Variants in GRAMD1B observed in about 807,000 individuals in gnomAD.
GRAMD1B encodes GRAM domain containing 1B.
In GRAMD1B, 37 loss-of-function variants were observed where a neutral mutation model predicts 99.7. The ratio of observed to expected loss-of-function variants is 0.37; its 90% CI spans 0.29 to 0.49. The LOEUF (loss-of-function observed/expected upper bound fraction) is 0.49, where lower values mean the gene tolerates loss of function less well. Ranked by LOEUF, GRAMD1B falls within the 20% of genes least tolerant of loss-of-function variation. GRAMD1B has a pLI of 0.98. For missense variants in GRAMD1B, 888 were observed against 1,009.2 expected, an observed-to-expected ratio of 0.88 and a Z score of 1.63; for synonymous variants, 427 against 387.6, an observed-to-expected ratio of 1.10 and a Z score of -1.19.
At chr11:123,377,264 T>TA (rs1946719584) in intron 1 of GRAMD1B, among the ~76,000 whole-genome samples, 3 of 152,180 alleles carry the variant, frequency 2.0e-5, no homozygotes, top group African/African-American at 4.8e-5. Flanking sequence ...GTAGCTGGCA[T>TA]AAAAATCCAA....
At chr11:123,585,170 C>T (rs1565416423) in intron 4 of GRAMD1B, among the ~76,000 whole-genome samples, 1 of 152,326 alleles carries the variant, frequency 6.6e-6, no homozygotes, top group Admixed American at 6.5e-5. Flanking sequence ...TTTGCCCCCT[C>T]CCCGGACACA....
intron 7 of GRAMD1B, among the ~76,000 whole-genome samples, 191 bp downstream of exon 7, chr11:123,596,228 A>G (rs546334296): frequency 6.6e-6 from 1 of 152,208 alleles, no homozygotes; most frequent in Non-Finnish European, 1.5e-5. Context: ...GGGAGGATAG[A>G]GTGGCCAAAC....
At chr11:123,592,902 T>C (rs755767551) in intron 4 of GRAMD1B, among the ~76,000 whole-genome samples, 1 of 152,152 alleles carries the variant, frequency 6.6e-6, no homozygotes, top group Non-Finnish European at 1.5e-5. Flanking sequence ...ATTTTCTTTT[T>C]AGTTTCTTTT....
intron 1 of GRAMD1B, among the ~76,000 whole-genome samples, chr11:123,468,951 C>A (rs1331766276): frequency 6.6e-6 from 1 of 151,888 alleles, no homozygotes; most frequent in Non-Finnish European, 1.5e-5. Flanking sequence ...TTATTTAATT[C>A]TCCCAAAACC....
At chr11:123,413,851 G>A (rs78910237) in intron 1 of GRAMD1B, among the ~76,000 whole-genome samples, 2,206 of 152,220 alleles carry the variant, frequency 0.014, 24 homozygotes, top group Middle Eastern at 0.031. Context: ...ATGACCTTGG[G>A]TGGCTTAGTA....
chr11:123,495,748 G>A (rs1171618245), intron 2 of GRAMD1B, among the ~76,000 whole-genome samples: 2 of 148,818 alleles, frequency 1.3e-5, no homozygotes, highest in Non-Finnish European at 3.0e-5. Context: ...TTGATTTGAG[G>A]TCACTATGAG....
rs564509854 is a variant in GRAMD1B at position 123,594,892 on chromosome 11, G to C, written c.873+54G>C. 235 of 889,150 alleles carry C rather than the reference G, an allele frequency of 2.6e-4. 2 individuals carry two copies. Among genetic ancestry groups the C allele is most frequent in the South Asian group, 2.2e-3 (171 of 76,398 alleles). The allele number at this position is 889,150 out of a possible 1,614,324, so 55.1% of individuals were successfully genotyped here. A position where few individuals can be genotyped will look rare whatever the true frequency, so the allele number is the denominator to read the frequency against. On this transcript the variant is annotated intron_variant, in intron 6 of 19. Coordinates refer to ENST00000635736, the MANE Select transcript of GRAMD1B (RefSeq NM_001387025.1). The stretch of plus-strand genomic sequence containing the variant: ...TGTCTCCTTGGCTATGGCTGAGCAA[G>C]CTGCCCTCGCTTTCTTCCTTTTGCT...
intron 2 of GRAMD1B, among the ~76,000 whole-genome samples, chr11:123,514,859 C>T (rs1054710021): frequency 6.6e-6 from 1 of 152,174 alleles, no homozygotes; most frequent in Non-Finnish European, 1.5e-5. Context: ...ATCTATCTCT[C>T]CCCACTAGAC....
intron 2 of GRAMD1B, among the ~76,000 whole-genome samples, chr11:123,548,323 T>TACACACACACACACACACACAC (rs1288714416): frequency 7.0e-5 from 7 of 100,516 alleles, no homozygotes; most frequent in Non-Finnish European, 1.1e-4. Context: ...TATATATATA[T>TACACACACACACACACACACAC]ATACACACAC....
In GRAMD1B at chr11:123,597,858, T is replaced by C. The variant is rs574522251; in HGVS notation, c.969+1821T>C. Reference sequence around the variant, plus strand: ...ATGAAACTAAGTAGCAAAAGGTCTTTAAGAGGATTTGGTTGGGAGAAATAG... The same window carrying C: ...ATGAAACTAAGTAGCAAAAGGTCTTCAAGAGGATTTGGTTGGGAGAAATAG... On this transcript the variant is annotated intron_variant, in intron 7 of 19. Transcript: ENST00000635736. 32 of 747,190 alleles carry C rather than the reference T, an allele frequency of 4.3e-5. No individual in the cohort carries two copies. The East Asian group carries it at 7.9e-4, about 19-fold the overall frequency. 46.3% of individuals were successfully genotyped at this position (747,190 alleles called of 1,614,324 possible). A position where few individuals can be genotyped will look rare whatever the true frequency, so the allele number is the denominator to read the frequency against.
chr11:123,531,897 G>C (rs1238274758), intron 2 of GRAMD1B, among the ~76,000 whole-genome samples: 2 of 151,866 alleles, frequency 1.3e-5, no homozygotes, highest in Non-Finnish European at 2.9e-5. Context: ...CACCACGCCT[G>C]GCTAATTTTG....
intron 2 of GRAMD1B, among the ~76,000 whole-genome samples, chr11:123,575,687 T>C (rs1015435557): frequency 6.6e-6 from 1 of 152,182 alleles, no homozygotes; most frequent in African/African-American, 2.4e-5. Context: ...TGTGCACTCA[T>C]GGATCTGCCT....
chr11:123,362,564 A>C (rs1312047720), intron 1 of GRAMD1B, among the ~76,000 whole-genome samples: 1 of 152,220 alleles, frequency 6.6e-6, no homozygotes, highest in Non-Finnish European at 1.5e-5. Context: ...TGATTTATAC[A>C]AAAACACAAG....
intron 1 of GRAMD1B, among the ~76,000 whole-genome samples, chr11:123,414,176 C>T (rs1376096298): frequency 2.0e-5 from 3 of 152,036 alleles, no homozygotes; most frequent in Non-Finnish European, 4.4e-5. Flanking sequence ...TCCTGAGTAG[C>T]TGGGACTACA....
intron 4 of GRAMD1B, among the ~76,000 whole-genome samples, chr11:123,588,922 G>C (rs1382695305): frequency 6.6e-6 from 1 of 152,006 alleles, no homozygotes; most frequent in South Asian, 2.1e-4. Flanking sequence ...TATATATAAT[G>C]AGATATCTTG....
At chr11:123,577,658 C>G in intron 3 of GRAMD1B, 81 bp downstream of exon 3, 1 of 1,047,510 alleles carries the variant, frequency 9.5e-7, no homozygotes, top group Non-Finnish European at 1.4e-6. Context: ...CGGAGAACAT[C>G]TGCGAGGGTC....
At position 123,610,859 on chromosome 11, in the gene GRAMD1B, G is replaced by C. The variant is rs985804925; in HGVS notation, c.1919+521G>C. Among the ~76,000 whole-genome samples the C allele has an allele frequency of 6.6e-6, 1 of 152,198 alleles. No individual in the cohort carries two copies. The highest frequency in any genetic ancestry group is 2.4e-5 in the African/African-American group (1 of 41,442). ...ACTTACACTTTATTCCCAGCACCCA[G>C]CTGGGCCTGCACGTATCAGAGTCCA... On this transcript the variant is annotated intron_variant, in intron 14 of 19. Coordinates refer to ENST00000635736, the MANE Select transcript of GRAMD1B (RefSeq NM_001387025.1). This position sits in a 1 kb window ranked among gnomAD's most constrained non-coding sequence, Gnocchi z 4.1.
At chr11:123,598,122 T>C in intron 7 of GRAMD1B, 2 of 1,591,512 alleles carry the variant, frequency 1.3e-6, no homozygotes, top group Non-Finnish European at 8.6e-7. Flanking sequence ...AAGTGAGCAG[T>C]GTTTGGGATG....
chr11:123,528,223 C>T (rs1433336530), intron 2 of GRAMD1B, among the ~76,000 whole-genome samples: 1 of 152,122 alleles, frequency 6.6e-6, no homozygotes, highest in Non-Finnish European at 1.5e-5. Flanking sequence ...ACTCAGGGTA[C>T]TCCCTACTCT....
Sources: allele counts gnomAD v4.1 joint callset (sites outside exome capture counted in the v4.1 genomes callset), GRCh38; gene constraint gnomAD v4.1.1; non-coding constraint Gnocchi (gnomAD v3.1); transcripts MANE v1.5; gene names NCBI Gene and HGNC (gene_info 2026-07-23, HGNC 2026-07-21).